CCSER1: variants seen among roughly 807,000 people sequenced by gnomAD.
The protein encoded by CCSER1 is serine-rich coiled-coil domain-containing protein 1.
A neutral mutation model predicts 82.0 loss-of-function variants in CCSER1; 41 were observed. The observed-to-expected ratio is 0.50, with a 90% confidence interval of 0.39 to 0.65. The LOEUF (loss-of-function observed/expected upper bound fraction) is 0.65. Among genes scored for constraint, CCSER1 ranks in the 30% least tolerant of loss-of-function variants. The pLI is 0.00. For synonymous variants in CCSER1, 414 were observed against 383.9 expected (o/e 1.08, Z -0.92); for missense variants, 1,119 against 1,064.2 (o/e 1.05, Z -0.72).
At chr4:90,561,488 G>T (rs928068135) in intron 5 of CCSER1, among the ~76,000 whole-genome samples, 7 of 152,152 alleles carry the variant, frequency 4.6e-5, no homozygotes, top group African/African-American at 1.7e-4. Context: ...ATAAAATTGG[G>T]ATTAAAGCAT....
At chr4:90,907,085 G>A (rs1410008185) in intron 8 of CCSER1, among the ~76,000 whole-genome samples, 2 of 152,142 alleles carry the variant, frequency 1.3e-5, no homozygotes, top group African/African-American at 4.8e-5. Flanking sequence ...CTGAACTGAA[G>A]TGACCTACTG....
chr4:91,340,684 T>G (rs551503057), intron 10 of CCSER1, among the ~76,000 whole-genome samples: 2 of 152,358 alleles, frequency 1.3e-5, no homozygotes, highest in East Asian at 3.9e-4. Flanking sequence ...CTTATAAATC[T>G]AATTTAATGA....
intron 4 of CCSER1, among the ~76,000 whole-genome samples, chr4:90,401,013 T>C (rs2153544994): frequency 6.6e-6 from 1 of 152,310 alleles, no homozygotes; most frequent in African/African-American, 2.4e-5. Context: ...TCTGTAGTTA[T>C]TTTTAGTTGT....
intron 7 of CCSER1, among the ~76,000 whole-genome samples, chr4:90,788,453 G>C (rs547323969): frequency 6.6e-6 from 1 of 152,140 alleles, no homozygotes; most frequent in Non-Finnish European, 1.5e-5. Context: ...ATCCTTTAAA[G>C]GTGCTAGGGA....
At chr4:90,549,064 A>G (rs1402256859) in intron 5 of CCSER1, among the ~76,000 whole-genome samples, 1 of 152,134 alleles carries the variant, frequency 6.6e-6, no homozygotes, top group African/African-American at 2.4e-5. Context: ...GTACCTATCA[A>G]CATTTATTTT....
At chr4:91,071,900 G>A (rs987958768) in intron 9 of CCSER1, among the ~76,000 whole-genome samples, 9 of 152,092 alleles carry the variant, frequency 5.9e-5, no homozygotes, top group Admixed American at 4.6e-4. Context: ...CTTGTTTTCT[G>A]AAAGGGTGTC....
At position 91,598,823 on chromosome 4, in the gene CCSER1, C is replaced by T. The variant is rs1305999260; in HGVS notation, c.2469C>T (p.Ala823=). Residue 823 remains alanine (A), a synonymous_variant, in exon 11 of 11, where the codon GCC becomes GCT. Coordinates refer to ENST00000509176, the MANE Select transcript of CCSER1 (RefSeq NM_001145065.2). The stretch of plus-strand genomic sequence containing the variant: ...CAGACGTTACACAGAACTTACGGGC[C>T]ACCGTTGGGCAGAGCTCTCTGAAGC... ...LTSDVTQNLR[A]TVGQSSLKPT... is the part of the protein sequence containing the mutation. 8 of 1,551,504 alleles carry T rather than the reference C, an allele frequency of 5.2e-6. No homozygotes were observed. In the East Asian group the frequency reaches 1.5e-4, roughly 28 times the overall value.
intron 3 of CCSER1, among the ~76,000 whole-genome samples, chr4:90,392,442 A>C (rs975025820): frequency 2.0e-5 from 3 of 152,084 alleles, no homozygotes; most frequent in Non-Finnish European, 4.4e-5. Flanking sequence ...GCTACTTGGA[A>C]AAATTAATAT....
chr4:90,644,592 G>T (rs1311036209), intron 6 of CCSER1, among the ~76,000 whole-genome samples: 1 of 152,010 alleles, frequency 6.6e-6, no homozygotes, highest in African/African-American at 2.4e-5. Context: ...AGCTCCACGT[G>T]CATTGGCTAT....
chr4:90,793,537 T>A (rs184078522), intron 7 of CCSER1, among the ~76,000 whole-genome samples: 1 of 148,180 alleles, frequency 6.7e-6, no homozygotes, highest in Non-Finnish European at 1.5e-5. Flanking sequence ...TATTTCATGA[T>A]GTTTATATAC....
intron 10 of CCSER1, among the ~76,000 whole-genome samples, chr4:91,167,712 A>G (rs1404704737): frequency 6.6e-6 from 1 of 152,244 alleles, no homozygotes; most frequent in African/African-American, 2.4e-5. Flanking sequence ...CTCAGGGAAT[A>G]TATATGATTT....
At chr4:91,453,838 T>C (rs1202973983) in intron 10 of CCSER1, among the ~76,000 whole-genome samples, 1 of 152,022 alleles carries the variant, frequency 6.6e-6, no homozygotes, top group African/African-American at 2.4e-5. Flanking sequence ...TTTCATCTGG[T>C]GATAGGCCAT....
At chr4:90,272,288 C>A (rs890163360) in intron 1 of CCSER1, among the ~76,000 whole-genome samples, 48 of 152,080 alleles carry the variant, frequency 3.2e-4, no homozygotes, top group African/African-American at 1.1e-3. Flanking sequence ...ATGCAAATGG[C>A]AAACAGGTAT....
intron 5 of CCSER1, among the ~76,000 whole-genome samples, chr4:90,494,373 G>A (rs552609581): frequency 2.8e-4 from 43 of 152,100 alleles, no homozygotes; most frequent in African/African-American, 8.2e-4. Context: ...GAAAGTTAGC[G>A]AGGATATCCA....
At chr4:91,435,722 G>C (rs537042284) in intron 10 of CCSER1, among the ~76,000 whole-genome samples, 1 of 152,074 alleles carries the variant, frequency 6.6e-6, no homozygotes, top group Non-Finnish European at 1.5e-5. Flanking sequence ...GTAAATTAAG[G>C]TATTTATACC....
chr4:91,505,769 G>A (rs1385208236), intron 10 of CCSER1, among the ~76,000 whole-genome samples: 4 of 152,026 alleles, frequency 2.6e-5, no homozygotes, highest in African/African-American at 9.7e-5. Flanking sequence ...CATGTCCTTT[G>A]CTCACTTTTT....
chr4:91,277,692 T>C (rs1309451594), intron 10 of CCSER1, among the ~76,000 whole-genome samples: 1 of 151,414 alleles, frequency 6.6e-6, no homozygotes, highest in East Asian at 1.9e-4. Context: ...TTAGTTCTGC[T>C]ATGACTTTTA....
chr4:91,481,873 C>T (rs7671009), intron 10 of CCSER1, among the ~76,000 whole-genome samples: 104,571 of 151,854 alleles, frequency 0.69, 36,347 homozygotes, highest in East Asian at 0.91. Context: ...GCAATCTACT[C>T]ATCTGACAAA....
At chr4:91,187,046 G>A (rs1335341477) in intron 10 of CCSER1, among the ~76,000 whole-genome samples, 1 of 152,192 alleles carries the variant, frequency 6.6e-6, no homozygotes, top group Non-Finnish European at 1.5e-5. Context: ...TGATTTTCCA[G>A]GTAGCATCTG....
Sources: gnomAD v4.1 joint callset for allele counts (sites outside exome capture counted in the v4.1 genomes callset) on GRCh38, gnomAD v4.1.1 for gene constraint, MANE v1.5 for transcripts, NCBI Gene and HGNC (gene_info 2026-07-23, HGNC 2026-07-21) for gene names.